Variants in LAMB4 observed in about 807,000 individuals in gnomAD.
LAMB4 encodes laminin subunit beta-4.
In LAMB4, 196 loss-of-function variants were observed where a neutral mutation model predicts 199.2. The observed-to-expected ratio is 0.98, with a 90% CI of 0.88 to 1.11. The LOEUF (loss-of-function observed/expected upper bound fraction) is 1.11. Among genes scored for constraint, LAMB4 ranks in the 50% least tolerant of loss-of-function variants. The probability of loss-of-function intolerance (pLI) is 0.00; values close to 1 mark genes in which losing one functional copy is unlikely to be tolerated. For missense variants in LAMB4, 2,080 were observed against 2,171.2 expected, an observed-to-expected ratio of 0.96 and a Z score of 0.83; for synonymous variants, 744 against 770.6, an observed-to-expected ratio of 0.97 and a Z score of 0.57.
intron 2 of LAMB4, among the ~76,000 whole-genome samples, chr7:108,117,801 A>G (rs2038460974): frequency 6.6e-6 from 1 of 152,204 alleles, no homozygotes; most frequent in South Asian, 2.1e-4. Flanking sequence ...TTTAGACCAT[A>G]TAGGGTAACT....
intron 11 of LAMB4, among the ~76,000 whole-genome samples, chr7:108,098,099 G>T (rs549932871): frequency 2.0e-5 from 3 of 152,116 alleles, no homozygotes; most frequent in African/African-American, 7.2e-5. Context: ...CATAGGGGCC[G>T]AGGTGGGCGG....
rs1297082988 is a variant in LAMB4 at position 108,056,115 on chromosome 7, T to C, written c.3380-108A>G. 7.2e-6 allele frequency: 7 copies of C among 974,676 alleles called. No individual in the cohort carries two copies. The East Asian group carries it at 7.4e-5, about 10-fold the overall frequency. 60.4% of individuals were successfully genotyped at this position (974,676 alleles called of 1,614,324 possible). A position where few individuals can be genotyped will look rare whatever the true frequency, so the allele number is the denominator to read the frequency against. ...TCCTGAAAATCTTCCCAACTCACACTTCTAAGATGAATATTTAAAGCCAAT... is the reference window on the plus strand; with the variant it reads ...TCCTGAAAATCTTCCCAACTCACACCTCTAAGATGAATATTTAAAGCCAAT... On this transcript the variant is annotated intron_variant, in intron 24 of 33. Transcript: ENST00000388781.
intron 1 of LAMB4, among the ~76,000 whole-genome samples, chr7:108,123,817 A>G (rs1243930180): frequency 1.3e-5 from 2 of 152,226 alleles, no homozygotes; most frequent in African/African-American, 4.8e-5. Flanking sequence ...AATTAGTGAT[A>G]TTTTATCAAG....
At position 108,057,857 on chromosome 7, in the gene LAMB4, A is replaced by G. The variant is rs1189402288; in HGVS notation, c.3354T>C (p.Tyr1118=). ...GAATGCATCGCCCAGGTGGATCACCATAATAATTTTCCTGGCACTCACTGC... is the reference window on the plus strand; with the variant it reads ...GAATGCATCGCCCAGGTGGATCACCGTAATAATTTTCCTGGCACTCACTGC... ...KRCSECQENY[Y]GDPPGRCIPC... Residue 1118 remains tyrosine, a synonymous_variant, in exon 24 of 34, where the codon TAT becomes TAC. Coordinates refer to ENST00000388781, the MANE Select transcript of LAMB4 (RefSeq NM_007356.3). The G allele has an allele frequency of 6.2e-7, 1 of 1,613,210 alleles. No homozygotes were observed. Among genetic ancestry groups the G allele is most frequent in the Admixed American group, 1.7e-5 (1 of 60,018 alleles).
intron 12 of LAMB4, among the ~76,000 whole-genome samples, chr7:108,094,090 C>T (rs910997363): frequency 2.6e-5 from 4 of 152,168 alleles, no homozygotes; most frequent in African/African-American, 9.7e-5. Context: ...GGCTCAGCCA[C>T]GATGGACAGT....
Position 108,103,200 on chromosome 7 carries a change from G to A in LAMB4, c.1024C>T (p.His342Tyr). ...CSCNSHSSRC[H>Y]FDMTTYLASG... ...GCCAGGTACGTAGTCATGTCAAAGT[G>A]ACAGCGGCTGGAGTGGCTATTACAG... The change falls in exon 10 of 34, where the codon CAC (histidine) becomes TAC (tyrosine). Residue 342 changes from histidine (H) to tyrosine (Y), a missense_variant. Coordinates refer to ENST00000388781, the MANE Select transcript of LAMB4 (RefSeq NM_007356.3). 1 of 1,582,038 alleles carries A rather than the reference G, an allele frequency of 6.3e-7. No homozygotes were observed. Among genetic ancestry groups the A allele is most frequent in the East Asian group, 2.3e-5 (1 of 43,670 alleles).
chr7:108,110,419 T>G (rs999114900), intron 4 of LAMB4, among the ~76,000 whole-genome samples: 1 of 152,206 alleles, frequency 6.6e-6, no homozygotes, highest in Non-Finnish European at 1.5e-5. Context: ...CATCTCAATT[T>G]GGATTAGACA....
At chr7:108,083,776 C>T (rs2037050883) in intron 14 of LAMB4, among the ~76,000 whole-genome samples, 1 of 152,318 alleles carries the variant, frequency 6.6e-6, no homozygotes, top group Middle Eastern at 3.4e-3. Flanking sequence ...TAGGATTAGC[C>T]ATGCCCACTA....
intron 9 of LAMB4, among the ~76,000 whole-genome samples, chr7:108,104,258 C>A (rs1264511756): frequency 2.6e-5 from 4 of 151,692 alleles, no homozygotes; most frequent in African/African-American, 4.8e-5. Context: ...TAGAAGGGTG[C>A]CACACAACAT....
At chr7:108,081,786 A>G (rs73725326) in intron 14 of LAMB4, among the ~76,000 whole-genome samples, 9 of 152,306 alleles carry the variant, frequency 5.9e-5, no homozygotes, top group African/African-American at 1.9e-4. Context: ...CTTGAGCAGT[A>G]TTTCTGGCAC....
chr7:108,055,848 T>C lies in LAMB4; in HGVS notation c.3539A>G (p.Asp1180Gly), dbSNP rs377473420. The C allele has an allele frequency of 1.2e-6, 2 of 1,614,150 alleles. No individual in the cohort carries two copies. The highest frequency in any genetic ancestry group is 1.7e-6 in the Non-Finnish European group (2 of 1,180,034). Reference sequence around the variant, plus strand: ...GGAAGAAATGGTGTGGTCCCACTGATCAAAGCACAAGTGACATTGAAGACA... The same window carrying C: ...GGAAGAAATGGTGTGGTCCCACTGACCAAAGCACAAGTGACATTGAAGACA... ...PTCLQCHLCF[D>G]QWDHTISSLS... The change falls in exon 25 of 34, where the codon GAT (aspartate) becomes GGT (glycine). Residue 1180 changes from aspartate to glycine, a missense_variant. By Grantham distance (94) the Asp-to-Gly change is moderately conservative (BLOSUM62 -1). Coordinates refer to ENST00000388781, the MANE Select transcript of LAMB4 (RefSeq NM_007356.3).
chr7:108,060,012 T>C (rs867086324), intron 23 of LAMB4, among the ~76,000 whole-genome samples: 2 of 152,350 alleles, frequency 1.3e-5, no homozygotes, highest in Non-Finnish European at 1.5e-5. Context: ...TGGATCTCTC[T>C]GTGGGAATGT....
chr7:108,028,079 T>C (rs981525703), intron 33 of LAMB4, among the ~76,000 whole-genome samples: 1 of 152,090 alleles, frequency 6.6e-6, no homozygotes, highest in Non-Finnish European at 1.5e-5. Context: ...CCACCGCGCC[T>C]GGCCGGTATT....
intron 27 of LAMB4, among the ~76,000 whole-genome samples, chr7:108,048,555 C>T (rs935385111): frequency 1.3e-5 from 2 of 152,120 alleles, no homozygotes; most frequent in Non-Finnish European, 2.9e-5. Context: ...ATGGGGGTAA[C>T]CCATTAAACA....
chr7:108,018,466 G>A, the LAMB4 span, among the ~76,000 whole-genome samples: 4 of 151,942 alleles, frequency 2.6e-5, no homozygotes, highest in South Asian at 2.1e-4. Flanking sequence ...CTGGCCAGGC[G>A]CGGTGTCTCA....
At position 108,107,729 on chromosome 7, in the gene LAMB4, T is replaced by A; in HGVS notation, c.493A>T (p.Thr165Ser). 6.2e-7 allele frequency: 1 copy of A among 1,613,850 alleles called. No homozygotes were observed. Among genetic ancestry groups the A allele is most frequent in the South Asian group, 1.1e-5 (1 of 91,032 alleles). The change falls in exon 6 of 34, where the codon ACT (threonine) becomes TCT (serine). Residue 165 changes from threonine to serine, a missense_variant. Physicochemically the swap from Thr to Ser is moderately conservative, Grantham distance 58. Transcript: ENST00000388781. ...CCAGATGTGATGTTAGGAAAGGAAG[T>A]GGCACAGTCTTTTGCAAAATATTTG... The part of the protein sequence containing the change: ...VFKYFAKDCA[T>S]SFPNITSGQA...
At chr7:108,126,546 A>AT (rs2038786027) in intron 1 of LAMB4, among the ~76,000 whole-genome samples, 1 of 75,000 alleles carries the variant, frequency 1.3e-5, no homozygotes, top group Non-Finnish European at 2.5e-5. Context: ...ATGTGTCAGA[A>AT]TTTCTTTCTT....
chr7:108,033,184 C>T (rs1636955), intron 31 of LAMB4, among the ~76,000 whole-genome samples: 31,235 of 152,074 alleles, frequency 0.21, 7,277 homozygotes, highest in African/African-American at 0.58. Context: ...ATACTTTATA[C>T]TTTGTGGCCT....
intron 2 of LAMB4, among the ~76,000 whole-genome samples, chr7:108,117,701 G>T (rs1260330243): frequency 2.0e-5 from 3 of 152,188 alleles, no homozygotes; most frequent in Non-Finnish European, 4.4e-5. Flanking sequence ...TCCATAGACA[G>T]AGCAGCCCCA....
Sources: gnomAD v4.1 joint callset for allele counts (sites outside exome capture counted in the v4.1 genomes callset) on GRCh38, gnomAD v4.1.1 for gene constraint, MANE v1.5 for transcripts, NCBI Gene and HGNC (gene_info 2026-07-23, HGNC 2026-07-21) for gene names.